The following MAP3K8 variants were observed in gnomAD, a reference collection of about 807,000 sequenced individuals.
MAP3K8 encodes mitogen-activated protein kinase kinase kinase 8, also known as Ewing sarcoma transformant.
In MAP3K8, 22 loss-of-function variants were observed where a neutral mutation model predicts 45.8. That is an observed-to-expected ratio of 0.48 (90% CI 0.34 to 0.69). The LOEUF is 0.69. Among genes scored for constraint, MAP3K8 ranks in the 30% least tolerant of loss-of-function variants. MAP3K8 has a pLI of 0.01. For synonymous variants in MAP3K8, 223 were observed against 214.3 expected (o/e 1.04, Z -0.36); for missense variants, 419 against 585.0 (o/e 0.72, Z 2.93).
rs150277388 is a variant in MAP3K8 at position 30,447,757 on chromosome 10, G to T, written c.337-25G>T. The stretch of plus-strand genomic sequence containing the variant: ...AGCCAGCTTGACTGAAGTTCTCACC[G>T]TCTCACATTTTTATTTTGTTGTAGG... On this transcript the variant is annotated intron_variant, in intron 3 of 8. Coordinates refer to ENST00000263056, the MANE Select transcript of MAP3K8 (RefSeq NM_005204.4). 37 of 1,605,248 alleles carry T rather than the reference G, an allele frequency of 2.3e-5. No homozygotes were observed. In the East Asian group the frequency reaches 7.6e-4, roughly 33 times the overall value.
chr10:30,460,615 G>T, intron 8 of MAP3K8, 91 bp from the exon 9 acceptor site: 1 of 1,025,934 alleles, frequency 9.7e-7, no homozygotes, highest in Non-Finnish European at 1.4e-6. Context: ...GTTTTATTAG[G>T]CCCCAAAGAT....
chr10:30,450,998 A>C (rs1302003431), intron 5 of MAP3K8, among the ~76,000 whole-genome samples: 1 of 150,704 alleles, frequency 6.6e-6, no homozygotes, highest in African/African-American at 2.4e-5. Context: ...AGGCTGAGGC[A>C]GGGGAATCAT....
At chr10:30,435,679 A>C (rs1835889231) in intron 1 of MAP3K8, among the ~76,000 whole-genome samples, 2 of 151,956 alleles carry the variant, frequency 1.3e-5, no homozygotes, top group South Asian at 4.2e-4. Context: ...CAGCCTCCCG[A>C]GTAGCTGGGA....
Position 30,437,255 on chromosome 10 carries a change from G to T in MAP3K8, c.-175G>T. 2.0e-6 allele frequency: 2 copies of T among 985,338 alleles called. No homozygotes were observed. The highest frequency in any genetic ancestry group is 2.4e-6 in the Non-Finnish European group (2 of 829,868). 61.0% of individuals were successfully genotyped at this position (985,338 alleles called of 1,614,324 possible). A position where few individuals can be genotyped will look rare whatever the true frequency, so the allele number is the denominator to read the frequency against. ...GCAGATAAGAAAGGAAGCTAACGCA[G>T]TATCTGCAAAGCCAGGAGTCTGACT... On this transcript the variant is annotated 5_prime_UTR_variant, in exon 2 of 9. Coordinates refer to ENST00000263056, the MANE Select transcript of MAP3K8 (RefSeq NM_005204.4).
chr10:30,439,019 A>C lies in MAP3K8; in HGVS notation c.81A>C (p.Ile27=). ...LIKHLNVSDV[I]DIMENLYASE... is the part of the protein sequence containing the mutation. The stretch of plus-strand genomic sequence containing the variant: ...AACATTTAAATGTGTCTGATGTAAT[A>C]GACATTATGGAAAATCTTTATGCAA... Residue 27 remains isoleucine (I), a synonymous_variant, in exon 3 of 9, where the codon ATA becomes ATC. Coordinates refer to ENST00000263056, the MANE Select transcript of MAP3K8 (RefSeq NM_005204.4). The C allele has an allele frequency of 6.2e-7, 1 of 1,613,076 alleles. No homozygotes were observed. The highest frequency in any genetic ancestry group is 1.1e-5 in the South Asian group (1 of 91,068).
Position 30,439,123 on chromosome 10 carries a change from C to T in MAP3K8, c.185C>T (p.Ser62Phe). ...DSNQNDERSKSLLLSGQEVPW... is the reference protein window; with the variant it reads ...DSNQNDERSKFLLLSGQEVPW... ...AATCAAAACGATGAGCGTTCTAAGT[C>T]TCTGCTGCTTAGTGGCCAAGAGGTA... Residue 62 changes from serine to phenylalanine, a missense_variant, in exon 3 of 9, where the codon TCT becomes TTT. Transcript: ENST00000263056. 3 of 1,614,196 alleles carry T rather than the reference C, an allele frequency of 1.9e-6. No individual in the cohort carries two copies. Among genetic ancestry groups the T allele is most frequent in the Non-Finnish European group, 1.7e-6 (2 of 1,180,024 alleles).
intron 6 of MAP3K8, among the ~76,000 whole-genome samples, chr10:30,457,468 CAG>C (rs2132831331): frequency 6.6e-6 from 1 of 152,238 alleles, no homozygotes; most frequent in East Asian, 1.9e-4. Context: ...TAATGACAAA[CAG>C]ATAAAGAAGT....
rs1241573818 is a variant in MAP3K8, at chr10:30,444,213, G to C, written c.337-3569G>C. On this transcript the variant is annotated intron_variant, in intron 3 of 8. Coordinates refer to ENST00000263056, the MANE Select transcript of MAP3K8 (RefSeq NM_005204.4). ...TTAAAAAAAAAAAAAATTTATACGGGCCCCTAGAAAGAAGAAAAATACCCA... is the reference window on the plus strand; with the variant it reads ...TTAAAAAAAAAAAAAATTTATACGGCCCCCTAGAAAGAAGAAAAATACCCA... 2.0e-5 allele frequency among the ~76,000 whole-genome samples: 3 copies of C among 151,586 alleles called. No homozygotes were observed. The East Asian group carries it at 5.8e-4, about 30-fold the overall frequency.
chr10:30,452,165 C>G (rs1836562661), intron 6 of MAP3K8, among the ~76,000 whole-genome samples: 1 of 151,000 alleles, frequency 6.6e-6, no homozygotes, highest in East Asian at 2.0e-4. Context: ...AAGACCCCAT[C>G]TCTATAAAAA....
rs547023383 is a variant in MAP3K8, at chr10:30,436,486, A to C, written c.-254-690A>C. Among the ~76,000 whole-genome samples, 6 of 152,106 alleles carry C rather than the reference A, an allele frequency of 3.9e-5. No individual in the cohort carries two copies. The South Asian group carries it at 1.2e-3, about 32-fold the overall frequency. On this transcript the variant is annotated intron_variant, in intron 1 of 8. Transcript: ENST00000263056. ...CTGCTTCCCTCCCTCTCCCCTTTCC[A>C]GGCAACTCACAGTTTAGGGGTGTGG...
At chr10:30,439,487 G>A (rs991736257) in intron 3 of MAP3K8, 1 of 1,075,266 alleles carries the variant, frequency 9.3e-7, no homozygotes, top group Admixed American at 3.0e-5. Context: ...TCATATTTTA[G>A]TAGTATTTCT....
chr10:30,437,302 A>G lies in MAP3K8; in HGVS notation c.-128A>G, dbSNP rs1272598952. ...GACTCAGTACTTTTCTCACTCATGC[A>G]TACAAAGCAGCTAAAAATGACACAG... On this transcript the variant is annotated 5_prime_UTR_variant, in exon 2 of 9. Transcript: ENST00000263056. The G allele has an allele frequency of 1.0e-6, 1 of 985,464 alleles. No individual in the cohort carries two copies. Among genetic ancestry groups the G allele is most frequent in the Non-Finnish European group, 1.2e-6 (1 of 829,946 alleles). The allele number at this position is 985,464 out of a possible 1,614,324, so 61.0% of individuals were successfully genotyped here.
chr10:30,439,323 T>C (rs1452173034), intron 3 of MAP3K8, 49 bp downstream of exon 3: 2 of 1,602,094 alleles, frequency 1.2e-6, no homozygotes, highest in Non-Finnish European at 1.7e-6. Context: ...GCTTTCCTAC[T>C]GCAGCTTCAT....
chr10:30,438,979 T>A lies in MAP3K8; in HGVS notation c.41T>A (p.Ile14Asn). ...ACTGGAAGTGACAATAAAGAAGAGA[T>A]TGATTTATTAATTAAACATTTAAAT... ...MSTGSDNKEE[I>N]DLLIKHLNVS... Residue 14 changes from isoleucine to asparagine, a missense_variant, in exon 3 of 9, where the codon ATT becomes AAT. Ile to Asn is a moderately radical substitution (Grantham distance 149). Around this residue, in one of 3 missense-constraint regions of MAP3K8, gnomAD observed 102 missense variants for 93.5 expected, o/e 1.09. Coordinates refer to ENST00000263056, the MANE Select transcript of MAP3K8 (RefSeq NM_005204.4). The A allele has an allele frequency of 6.2e-7, 1 of 1,611,960 alleles. No homozygotes were observed. Among genetic ancestry groups the A allele is most frequent in the Non-Finnish European group, 8.5e-7 (1 of 1,178,220 alleles).
intron 3 of MAP3K8, among the ~76,000 whole-genome samples, chr10:30,446,960 A>G (rs1356234781): frequency 6.6e-6 from 1 of 152,116 alleles, no homozygotes; most frequent in African/African-American, 2.4e-5. Flanking sequence ...TATGTTGCCT[A>G]GGCTGGTCTT....
intron 1 of MAP3K8, among the ~76,000 whole-genome samples, chr10:30,436,597 C>A (rs536216534): frequency 2.6e-4 from 39 of 151,842 alleles, no homozygotes; most frequent in African/African-American, 9.4e-4. Context: ...TGTCTTACAG[C>A]TCTTTTAGGA....
At chr10:30,457,789 G>GGTGCCCATCACC (rs1446606543) in intron 6 of MAP3K8, among the ~76,000 whole-genome samples, 1 of 152,142 alleles carries the variant, frequency 6.6e-6, no homozygotes, top group Non-Finnish European at 1.5e-5. Context: ...TGGGATTACA[G>GGTGCCCATCACC]GTGCCCATCA....
intron 4 of MAP3K8, among the ~76,000 whole-genome samples, chr10:30,448,561 T>C (rs901098138): frequency 1.3e-5 from 2 of 151,904 alleles, no homozygotes; most frequent in Non-Finnish European, 2.9e-5. Flanking sequence ...GCCTCCCAAG[T>C]AACTGGGATT....
intron 1 of MAP3K8, 67 bp from the exon 2 acceptor site, chr10:30,437,109 A>G: frequency 2.2e-6 from 2 of 920,176 alleles, no homozygotes; most frequent in South Asian, 5.0e-5. Flanking sequence ...CACGGTGGTG[A>G]TAACAGCCAT....
Sources: gnomAD v4.1 joint callset for allele counts (sites outside exome capture counted in the v4.1 genomes callset) on GRCh38, gnomAD v4.1.1 for gene constraint, gnomAD v4.1.1 regional missense constraint, MANE v1.5 for transcripts, NCBI Gene and HGNC (gene_info 2026-07-23, HGNC 2026-07-21) for gene names.